Variants in FLRT2 observed in about 807,000 individuals in gnomAD.
FLRT2 encodes the protein fibronectin leucine rich transmembrane protein 2, also known as leucine-rich repeat transmembrane protein FLRT2.
A neutral mutation model predicts 40.0 loss-of-function variants in FLRT2; 15 were observed. The observed-to-expected ratio is 0.38, with a 90% CI of 0.25 to 0.58. FLRT2 has a LOEUF of 0.58. FLRT2 is among the 20% of genes least tolerant of loss of function. FLRT2 has a pLI of 0.71. For synonymous variants in FLRT2, 380 were observed against 336.8 expected (o/e 1.13, Z -1.41); for missense variants, 726 against 840.0 (o/e 0.86, Z 1.68).
intron 1 of FLRT2, among the ~76,000 whole-genome samples, chr14:85,614,264 C>G (rs1440199841): frequency 2.6e-5 from 4 of 152,106 alleles, no homozygotes; most frequent in Non-Finnish European, 5.9e-5. Context: ...TTTTCTACCT[C>G]TCTTAAACCA....
Position 85,632,642 on chromosome 14 carries a change from A to T in FLRT2, c.*9145A>T, listed in dbSNP as rs1359106710. On this transcript the variant is annotated 3_prime_UTR_variant, in exon 2 of 2. Coordinates refer to ENST00000330753, the MANE Select transcript of FLRT2 (RefSeq NM_013231.6). ...CTTCATCAGCAAAATTAAAAAAGAC[A>T]GTCATTATTCACTATGTCATATCCC... 6.6e-6 allele frequency: 1 copy of T among 152,056 alleles called. No individual in the cohort carries two copies. Among genetic ancestry groups the T allele is most frequent in the Non-Finnish European group, 1.5e-5 (1 of 68,022 alleles). The allele number at this position is 152,056 out of a possible 1,614,324, so 9.4% of individuals were successfully genotyped here. A position where few individuals can be genotyped will look rare whatever the true frequency, so the allele number is the denominator to read the frequency against.
At chr14:85,581,438 A>G (rs1458222227) in intron 1 of FLRT2, among the ~76,000 whole-genome samples, 26 of 152,180 alleles carry the variant, frequency 1.7e-4, no homozygotes, top group Admixed American at 1.7e-3. Flanking sequence ...GCTACCATTG[A>G]GTCCTAGTTC....
intron 1 of FLRT2, among the ~76,000 whole-genome samples, chr14:85,570,355 A>G (rs1367285613): frequency 2.0e-5 from 3 of 152,182 alleles, no homozygotes; most frequent in Non-Finnish European, 2.9e-5. Flanking sequence ...ATTAGAATTC[A>G]TAGTCTTACT....
rs1893707290 is a variant in FLRT2, at chr14:85,626,950, C to T, written c.*3453C>T. ...CTTCCTTCCCCACCAGGGAGGACAACATCTTCATGCTGTGATTGAAGCATC... is the reference window on the plus strand; with the variant it reads ...CTTCCTTCCCCACCAGGGAGGACAATATCTTCATGCTGTGATTGAAGCATC... On this transcript the variant is annotated 3_prime_UTR_variant, in exon 2 of 2. Coordinates refer to ENST00000330753, the MANE Select transcript of FLRT2 (RefSeq NM_013231.6). 6.0e-6 allele frequency: 1 copy of T among 167,066 alleles called. No individual in the cohort carries two copies. Among genetic ancestry groups the T allele is most frequent in the Non-Finnish European group, 1.5e-5 (1 of 68,136 alleles). 10.3% of individuals were successfully genotyped at this position (167,066 alleles called of 1,614,324 possible).
chr14:85,544,756 T>G (rs12882647), intron 1 of FLRT2, among the ~76,000 whole-genome samples: 42,690 of 152,126 alleles, frequency 0.28, 6,867 homozygotes, highest in Middle Eastern at 0.42. Flanking sequence ...TTCTTCTTGT[T>G]GGCCAAAAGA....
At chr14:85,581,030 T>A (rs1019651485) in intron 1 of FLRT2, among the ~76,000 whole-genome samples, 3 of 152,220 alleles carry the variant, frequency 2.0e-5, no homozygotes, top group African/African-American at 7.2e-5. Flanking sequence ...CTTTTTGTTT[T>A]TCTTATTCTT....
chr14:85,559,655 A>T (rs796835760), intron 1 of FLRT2, among the ~76,000 whole-genome samples: 20 of 152,160 alleles, frequency 1.3e-4, no homozygotes, highest in African/African-American at 3.6e-4. Flanking sequence ...TTTTAACCTC[A>T]TAGCAGCTCA....
intron 1 of FLRT2, among the ~76,000 whole-genome samples, chr14:85,579,608 G>A (rs183757330): frequency 1.6e-4 from 24 of 152,152 alleles, no homozygotes; most frequent in Admixed American, 4.6e-4. Context: ...CCAATTTTCC[G>A]TATCTATAAA....
chr14:85,635,851 G>A lies in FLRT2; in HGVS notation c.*12354G>A, dbSNP rs1893986644. On this transcript the variant is annotated 3_prime_UTR_variant, in exon 2 of 2. Transcript: ENST00000330753. ...TTCAAAATGTTTAGTCTTTAAAGCG[G>A]TTACCTAAGAATATCTGCCAGTGAA... The A allele has an allele frequency of 6.6e-6, 1 of 152,032 alleles. No individual in the cohort carries two copies. Among genetic ancestry groups the A allele is most frequent in the South Asian group, 2.1e-4 (1 of 4,824 alleles). The allele number at this position is 152,032 out of a possible 1,614,324, so 9.4% of individuals were successfully genotyped here.
rs183241552 is a variant in FLRT2, at chr14:85,590,502, G to A, written c.-376-30637G>A. 4.7e-3 allele frequency among the ~76,000 whole-genome samples: 717 copies of A among 152,276 alleles called. 7 individuals are homozygous for A. Among genetic ancestry groups the A allele is most frequent in the African/African-American group, 0.016 (684 of 41,558 alleles). On this transcript the variant is annotated intron_variant, in intron 1 of 1. Coordinates refer to ENST00000330753, the MANE Select transcript of FLRT2 (RefSeq NM_013231.6). Reference sequence around the variant, plus strand: ...TTGTGGGTATAGTAAATTAAATCTTGTATAGAGATCCATGTATTGTGAAGG... The same window carrying A: ...TTGTGGGTATAGTAAATTAAATCTTATATAGAGATCCATGTATTGTGAAGG...
At chr14:85,550,129 G>A (rs1432300975) in intron 1 of FLRT2, among the ~76,000 whole-genome samples, 1 of 152,160 alleles carries the variant, frequency 6.6e-6, no homozygotes. Flanking sequence ...CAGAGAAAGT[G>A]CTCTTAAAAA....
rs188851582 is a variant in FLRT2 at position 85,638,681 on chromosome 14, G to A, written c.*15184G>A. 1.3e-5 allele frequency: 2 copies of A among 152,244 alleles called. No individual in the cohort carries two copies. The highest frequency in any genetic ancestry group is 2.9e-5 in the Non-Finnish European group (2 of 68,028). 9.4% of individuals were successfully genotyped at this position (152,244 alleles called of 1,614,324 possible). A position where few individuals can be genotyped will look rare whatever the true frequency, so the allele number is the denominator to read the frequency against. Reference sequence around the variant, plus strand: ...TGTGAAAGTGTGAGGCTGGGCCCAAGGGATTTCTTTACTTATTGAGCAGAG... The same window carrying A: ...TGTGAAAGTGTGAGGCTGGGCCCAAAGGATTTCTTTACTTATTGAGCAGAG... On this transcript the variant is annotated 3_prime_UTR_variant, in exon 2 of 2. Transcript: ENST00000330753.
intron 1 of FLRT2, among the ~76,000 whole-genome samples, chr14:85,566,308 C>T (rs751438622): frequency 8.5e-5 from 13 of 152,108 alleles, no homozygotes; most frequent in Admixed American, 7.2e-4. Context: ...TGGTTTTCAC[C>T]GGATGCCTGT....
At position 85,646,038 on chromosome 14, in the gene FLRT2, C is replaced by G. The variant is rs1894294068; in HGVS notation, c.*22541C>G. On this transcript the variant is annotated 3_prime_UTR_variant, in exon 2 of 2. Coordinates refer to ENST00000330753, the MANE Select transcript of FLRT2 (RefSeq NM_013231.6). The stretch of plus-strand genomic sequence containing the variant: ...TGCCTGCCTTGTAACCATGCCTTTG[C>G]ATCTGTTTACTTACTTAATGGGACA... The G allele has an allele frequency of 6.6e-6, 1 of 151,062 alleles. No individual in the cohort carries two copies. Among genetic ancestry groups the G allele is most frequent in the Non-Finnish European group, 1.5e-5 (1 of 67,938 alleles). The allele number at this position is 151,062 out of a possible 1,614,324, so 9.4% of individuals were successfully genotyped here.
rs1395455122 is a variant in FLRT2 at position 85,639,073 on chromosome 14, C to G, written c.*15576C>G. 6.6e-6 allele frequency: 1 copy of G among 152,126 alleles called. No homozygotes were observed. The highest frequency in any genetic ancestry group is 1.5e-5 in the Non-Finnish European group (1 of 68,022). The allele number at this position is 152,126 out of a possible 1,614,324, so 9.4% of individuals were successfully genotyped here. The stretch of plus-strand genomic sequence containing the variant: ...GTCGTCTCTTGTAGATAGATAAAAA[C>G]TAAACTGAAACCAAAAGAATTTCCA... On this transcript the variant is annotated 3_prime_UTR_variant, in exon 2 of 2. Transcript: ENST00000330753.
At position 85,559,800 on chromosome 14, in the gene FLRT2, G is replaced by A. The variant is rs547539945; in HGVS notation, c.-377+29266G>A. ...CAGGTCTGTGCTGCCCATTACCTCC[G>A]TGAGGTTAGATCACAGGTTACAAGT... On this transcript the variant is annotated intron_variant, in intron 1 of 1. Transcript: ENST00000330753. Among the ~76,000 whole-genome samples the A allele has an allele frequency of 7.9e-5, 12 of 152,144 alleles. No individual in the cohort carries two copies. The East Asian group carries it at 9.7e-4, about 12-fold the overall frequency.
At chr14:85,582,725 A>G (rs1891446916) in intron 1 of FLRT2, among the ~76,000 whole-genome samples, 2 of 152,104 alleles carry the variant, frequency 1.3e-5, no homozygotes, top group South Asian at 2.1e-4. Context: ...TAATTAGTCT[A>G]TCTTATGGAC....
intron 1 of FLRT2, among the ~76,000 whole-genome samples, chr14:85,591,130 C>T (rs1891866708): frequency 6.6e-6 from 1 of 152,092 alleles, no homozygotes; most frequent in African/African-American, 2.4e-5. Context: ...AAAGGAATTC[C>T]AAGACATCCA....
intron 1 of FLRT2, among the ~76,000 whole-genome samples, chr14:85,587,143 ACTTC>A: frequency 6.6e-6 from 1 of 152,290 alleles, no homozygotes; most frequent in South Asian, 2.1e-4. Flanking sequence ...GCTTTGTTGT[ACTTC>A]GCTTTCAAAA....
Sources: allele counts gnomAD v4.1 joint callset (sites outside exome capture counted in the v4.1 genomes callset), GRCh38; gene constraint gnomAD v4.1.1; transcripts MANE v1.5; gene names NCBI Gene and HGNC (gene_info 2026-07-23, HGNC 2026-07-21).